MTA3: variants seen among roughly 807,000 people sequenced by gnomAD.
The protein encoded by MTA3 is metastasis associated 1 family member 3.
A neutral mutation model predicts 83.5 loss-of-function variants in MTA3; 34 were observed. That is an observed-to-expected ratio of 0.41 (90% CI 0.31 to 0.54). The LOEUF (loss-of-function observed/expected upper bound fraction) is 0.54. Among genes scored for constraint, MTA3 ranks in the 20% least tolerant of loss-of-function variants. The probability of loss-of-function intolerance (pLI) is 0.33; values close to 1 mark genes in which losing one functional copy is unlikely to be tolerated. For synonymous variants in MTA3, 303 were observed against 252.7 expected, an observed-to-expected ratio of 1.20 and a Z score of -1.89; for missense variants, 761 against 726.4, an observed-to-expected ratio of 1.05 and a Z score of -0.55.
At chr2:42,615,835 C>G (rs370911068) in intron 4 of MTA3, among the ~76,000 whole-genome samples, 1 of 146,666 alleles carries the variant, frequency 6.8e-6, no homozygotes, top group Non-Finnish European at 1.5e-5. Flanking sequence ...ATTCTCCTGC[C>G]TGAATCTCCA....
intron 11 of MTA3, among the ~76,000 whole-genome samples, chr2:42,698,998 A>G (rs1348895989): frequency 1.3e-5 from 2 of 152,220 alleles, no homozygotes; most frequent in East Asian, 3.8e-4. Flanking sequence ...TTCAAAAGCA[A>G]GCATACCAGC....
In MTA3 at chr2:42,754,748, C is replaced by G. The variant is rs746168614; in HGVS notation, c.*1349C>G. On this transcript the variant is annotated 3_prime_UTR_variant, in exon 17 of 17. Coordinates refer to ENST00000405094, the MANE Select transcript of MTA3 (RefSeq NM_001330442.2). ...AGAGGCCCAAATAGCCAAGCTGTTG[C>G]AAGACAGAGTGGCTACAATTGAATT... 6 of 985,544 alleles carry G rather than the reference C, an allele frequency of 6.1e-6. No individual in the cohort carries two copies. The highest frequency in any genetic ancestry group is 7.2e-6 in the Non-Finnish European group (6 of 829,986). 61.0% of individuals were successfully genotyped at this position (985,544 alleles called of 1,614,324 possible).
intron 4 of MTA3, among the ~76,000 whole-genome samples, chr2:42,628,772 C>CTTT (rs1362469763): frequency 4.3e-4 from 16 of 37,414 alleles, no homozygotes; most frequent in African/African-American, 1.4e-3. Context: ...CATTTCCACC[C>CTTT]TTTTTTTTTT....
chr2:42,583,931 C>A (rs1043665839), intron 3 of MTA3, among the ~76,000 whole-genome samples: 1 of 151,844 alleles, frequency 6.6e-6, no homozygotes, highest in Admixed American at 6.6e-5. Context: ...GTAACCTCCA[C>A]CTCCCAGGTT....
chr2:42,700,460 A>ATTAAGACAAGT (rs1018976967), intron 11 of MTA3, among the ~76,000 whole-genome samples: 4 of 152,214 alleles, frequency 2.6e-5, no homozygotes, highest in African/African-American at 9.6e-5. Context: ...GATTATTATC[A>ATTAAGACAAGT]TTAAGACAAG....
Position 42,520,656 on chromosome 2 carries a change from G to T in MTA3, c.-141+25402G>T, listed in dbSNP as rs536636388. ...AGTCCAGTGGCCTGATCATGAACCT[G>T]CTGGGTTCAGGTGATCCTCCCACCT... is the stretch of plus-strand genomic sequence containing the variant. On this transcript the variant is annotated intron_variant, in intron 2 of 17. Coordinates refer to the MTA3 transcript ENST00000405592. 5.3e-5 allele frequency among the ~76,000 whole-genome samples: 8 copies of T among 151,624 alleles called. No homozygotes were observed. The South Asian group carries it at 1.7e-3, about 32-fold the overall frequency.
chr2:42,599,322 C>T (rs1441360502), intron 3 of MTA3, among the ~76,000 whole-genome samples: 6 of 152,162 alleles, frequency 3.9e-5, no homozygotes, highest in East Asian at 1.9e-4. Context: ...GGCGCGGCGG[C>T]TTATGCCTGT....
intron 4 of MTA3, among the ~76,000 whole-genome samples, chr2:42,626,295 C>T (rs1305788699): frequency 6.9e-6 from 1 of 145,354 alleles, no homozygotes; most frequent in Non-Finnish European, 1.5e-5. Flanking sequence ...ACAGGAGCTC[C>T]ATTTTTTTAA....
At chr2:42,545,402 A>G (rs1236397225) in intron 2 of MTA3, among the ~76,000 whole-genome samples, 1 of 152,084 alleles carries the variant, frequency 6.6e-6, no homozygotes, top group African/African-American at 2.4e-5. Flanking sequence ...AAGAAGAAAA[A>G]AAAAGGAACC....
chr2:42,591,430 C>T (rs910554079), intron 3 of MTA3, among the ~76,000 whole-genome samples: 3 of 152,180 alleles, frequency 2.0e-5, no homozygotes, highest in Non-Finnish European at 4.4e-5. Context: ...AAACACTGTA[C>T]ACTTAGGCAA....
chr2:42,529,322 G>C (rs1034830787), intron 2 of MTA3, among the ~76,000 whole-genome samples: 1 of 152,052 alleles, frequency 6.6e-6, no homozygotes, highest in African/African-American at 2.4e-5. Context: ...TGGGAGCTTC[G>C]CAGGGCAGTG....
chr2:42,682,502 G>A lies in MTA3; in HGVS notation c.804G>A (p.Met268Ile). 6.2e-7 allele frequency: 1 copy of A among 1,612,540 alleles called. No homozygotes were observed. The highest frequency in any genetic ancestry group is 8.5e-7 in the Non-Finnish European group (1 of 1,179,278). The change falls in exon 9 of 17, where the codon ATG (methionine) becomes ATA (isoleucine). Residue 268 changes from methionine to isoleucine, a missense_variant. By Grantham distance (10) the Met-to-Ile change is conservative. Transcript: ENST00000405094. ...GACCTGTTTTATGCAGAGATGAAATGGAGGAATGGTCAGCCTCTGAAGCTA... is the reference window on the plus strand; with the variant it reads ...GACCTGTTTTATGCAGAGATGAAATAGAGGAATGGTCAGCCTCTGAAGCTA... ...LGGPVLCRDE[M>I]EEWSASEASL...
intron 4 of MTA3, among the ~76,000 whole-genome samples, chr2:42,619,361 T>C (rs1248913406): frequency 6.6e-6 from 1 of 152,224 alleles, no homozygotes; most frequent in Non-Finnish European, 1.5e-5. Context: ...GATGCTTTAC[T>C]GTTCCACTTT....
intron 16 of MTA3, among the ~76,000 whole-genome samples, chr2:42,726,474 T>C (rs1301652486): frequency 1.3e-5 from 2 of 152,110 alleles, no homozygotes; most frequent in African/African-American, 4.8e-5. Context: ...CATTTAGCAT[T>C]AGGTATACCT....
At chr2:42,571,713 C>T (rs943775892) in intron 2 of MTA3, among the ~76,000 whole-genome samples, 5 of 151,774 alleles carry the variant, frequency 3.3e-5, no homozygotes, top group Admixed American at 6.6e-5. Flanking sequence ...TTTGGGAGGT[C>T]GAGGCGGGCG....
At chr2:42,700,941 T>C (rs1393455746) in intron 11 of MTA3, among the ~76,000 whole-genome samples, 1 of 151,920 alleles carries the variant, frequency 6.6e-6, no homozygotes, top group East Asian at 1.9e-4. Flanking sequence ...TACAAAAAAA[T>C]TTAAAAATTA....
chr2:42,734,943 A>G (rs1668503957), intron 16 of MTA3, among the ~76,000 whole-genome samples: 1 of 152,136 alleles, frequency 6.6e-6, no homozygotes, highest in Admixed American at 6.6e-5. Flanking sequence ...TGTTGTAGTT[A>G]TTATTTTTGA....
intron 3 of MTA3, among the ~76,000 whole-genome samples, chr2:42,594,517 T>C (rs1022788670): frequency 4.0e-5 from 6 of 150,220 alleles, no homozygotes; most frequent in Non-Finnish European, 8.9e-5. Context: ...GGATTACAGG[T>C]GGGAGCCACT....
At chr2:42,610,854 A>C (rs922126564) in intron 4 of MTA3, among the ~76,000 whole-genome samples, 2 of 152,054 alleles carry the variant, frequency 1.3e-5, no homozygotes, top group East Asian at 3.8e-4. Context: ...CACTCCTCTT[A>C]GGTTAAAGAA....
Sources: gnomAD v4.1 joint callset for allele counts (sites outside exome capture counted in the v4.1 genomes callset) on GRCh38, gnomAD v4.1.1 for gene constraint, MANE v1.5 for transcripts, NCBI Gene and HGNC (gene_info 2026-07-23, HGNC 2026-07-21) for gene names.